OSTF1: variants seen among roughly 807,000 people sequenced by gnomAD.
OSTF1 encodes the protein osteoclast-stimulating factor 1.
Under a neutral mutation model 37.2 loss-of-function variants are expected in OSTF1, and 27 were observed. That is an observed-to-expected ratio of 0.73 (90% CI 0.54 to 1.00). OSTF1 has a LOEUF of 1.00. Ranked by LOEUF, OSTF1 falls within the 50% of genes least tolerant of loss-of-function variation. The pLI, the probability that OSTF1 is intolerant of heterozygous loss-of-function variation, is 0.00. For synonymous variants in OSTF1, 82 were observed against 89.2 expected (o/e 0.92, Z 0.46); for missense variants, 232 against 253.8 (o/e 0.91, Z 0.58).
At chr9:75,119,723 T>C (rs1825548200) in intron 2 of OSTF1, among the ~76,000 whole-genome samples, 2 of 152,144 alleles carry the variant, frequency 1.3e-5, no homozygotes, top group African/African-American at 2.4e-5. Flanking sequence ...TCCCAGCACT[T>C]TGGGAGGCTG....
intron 8 of OSTF1, among the ~76,000 whole-genome samples, chr9:75,138,595 A>G (rs1414506247): frequency 6.6e-6 from 1 of 152,234 alleles, no homozygotes; most frequent in African/African-American, 2.4e-5. Context: ...TGAAATGATA[A>G]TATTTCAGAT....
Position 75,140,827 on chromosome 9 carries a change from T to A in OSTF1, c.488-7T>A. On this transcript the variant is annotated splice_region_variant and splice_polypyrimidine_tract_variant and intron_variant, in intron 8 of 9. Transcript: ENST00000346234. Reference sequence around the variant, plus strand: ...GACACCTAATTGACTTTTCTTGTGTTGGGAAGGTGCTAGAACAGACTTAAG... The same window carrying A: ...GACACCTAATTGACTTTTCTTGTGTAGGGAAGGTGCTAGAACAGACTTAAG... 6.2e-7 allele frequency: 1 copy of A among 1,607,820 alleles called. No homozygotes were observed. Among genetic ancestry groups the A allele is most frequent in the Non-Finnish European group, 8.5e-7 (1 of 1,174,706 alleles).
intron 3 of OSTF1, among the ~76,000 whole-genome samples, chr9:75,128,552 C>CATAT (rs58960713): frequency 0.048 from 138 of 2,878 alleles, 52 homozygotes; most frequent in Non-Finnish European, 0.085. Context: ...ATATTTTGTC[C>CATAT]ATATATATAT....
intron 7 of OSTF1, among the ~76,000 whole-genome samples, chr9:75,136,370 C>T (rs1825843338): frequency 6.6e-6 from 1 of 152,048 alleles, no homozygotes; most frequent in South Asian, 2.1e-4. Context: ...TTTCCACGAA[C>T]ACTTGGTGTC....
At chr9:75,119,534 C>G (rs1403588240) in intron 2 of OSTF1, among the ~76,000 whole-genome samples, 1 of 152,210 alleles carries the variant, frequency 6.6e-6, no homozygotes. Flanking sequence ...ATTCCAGGAG[C>G]TAGAAGACTG....
chr9:75,112,673 A>G (rs1452623868), intron 1 of OSTF1, among the ~76,000 whole-genome samples: 1 of 152,232 alleles, frequency 6.6e-6, no homozygotes, highest in African/African-American at 2.4e-5. Flanking sequence ...GAAAGATACA[A>G]TTACAAAAAT....
chr9:75,105,231 C>G (rs372602232), intron 1 of OSTF1, among the ~76,000 whole-genome samples: 52 of 152,296 alleles, frequency 3.4e-4, no homozygotes, highest in African/African-American at 1.3e-3. Context: ...GATCTTCATG[C>G]TGTGGCCCAG....
intron 1 of OSTF1, among the ~76,000 whole-genome samples, chr9:75,110,850 A>T (rs957493079): frequency 6.6e-6 from 1 of 151,888 alleles, no homozygotes; most frequent in Non-Finnish European, 1.5e-5. Flanking sequence ...AGCTGGGACT[A>T]TGGGTGTGTA....
At chr9:75,143,085 A>T (rs796334055) in intron 9 of OSTF1, among the ~76,000 whole-genome samples, 2 of 152,034 alleles carry the variant, frequency 1.3e-5, no homozygotes, top group Non-Finnish European at 2.9e-5. Context: ...GATTACAGGC[A>T]TGAGCCACGA....
chr9:75,147,077 T>C lies in OSTF1; in HGVS notation c.*336T>C, dbSNP rs1826039750. Reference sequence around the variant, plus strand: ...TTTTAGTTAAAATGCTTTACCTCAATGGTTGAGATATTTTGAATGGATTTT... The same window carrying C: ...TTTTAGTTAAAATGCTTTACCTCAACGGTTGAGATATTTTGAATGGATTTT... On this transcript the variant is annotated 3_prime_UTR_variant, in exon 10 of 10. Transcript: ENST00000346234. 6.7e-6 allele frequency: 1 copy of C among 150,110 alleles called. No individual in the cohort carries two copies. Among genetic ancestry groups the C allele is most frequent in the Non-Finnish European group, 1.4e-5 (1 of 72,716 alleles). The allele number at this position is 150,110 out of a possible 1,614,324, so 9.3% of individuals were successfully genotyped here.
chr9:75,113,546 T>G (rs922775457), intron 1 of OSTF1, among the ~76,000 whole-genome samples: 2 of 152,064 alleles, frequency 1.3e-5, no homozygotes, highest in African/African-American at 4.8e-5. Flanking sequence ...CCTTCTGGGT[T>G]CAAGCCATCC....
At chr9:75,095,930 C>T (rs1398164094) in intron 1 of OSTF1, among the ~76,000 whole-genome samples, 15 of 150,766 alleles carry the variant, frequency 9.9e-5, no homozygotes, top group Non-Finnish European at 1.3e-4. Context: ...CTTGCTCTGT[C>T]GCCCAGGCTG....
At chr9:75,102,569 G>A (rs1300568197) in intron 1 of OSTF1, among the ~76,000 whole-genome samples, 2 of 152,106 alleles carry the variant, frequency 1.3e-5, no homozygotes, top group African/African-American at 2.4e-5. Context: ...GAAAAAGTTT[G>A]AAAACCTCTA....
chr9:75,143,614 T>G (rs1185252065), intron 9 of OSTF1, among the ~76,000 whole-genome samples: 1 of 152,210 alleles, frequency 6.6e-6, no homozygotes, highest in Non-Finnish European at 1.5e-5. Context: ...GAGTCATCCA[T>G]ATGCCTGTGT....
intron 9 of OSTF1, among the ~76,000 whole-genome samples, 193 bp from the exon 10 acceptor site, chr9:75,146,490 A>G (rs1047253633): frequency 2.0e-5 from 3 of 152,230 alleles, no homozygotes; most frequent in African/African-American, 4.8e-5. Flanking sequence ...GGAACGCATC[A>G]TCAGCCTCTG....
At chr9:75,139,050 C>CTTTTCT (rs1554774456) in intron 8 of OSTF1, among the ~76,000 whole-genome samples, 3 of 136,112 alleles carry the variant, frequency 2.2e-5, no homozygotes, top group African/African-American at 1.0e-4. Context: ...TTCTTTCTTT[C>CTTTTCT]TTTCTTTTTT....
chr9:75,134,708 A>G (rs1297653349), intron 7 of OSTF1, among the ~76,000 whole-genome samples: 1 of 152,124 alleles, frequency 6.6e-6, no homozygotes, highest in Non-Finnish European at 1.5e-5. Context: ...GTGAAGGGTT[A>G]AGCTTGTCAG....
intron 1 of OSTF1, among the ~76,000 whole-genome samples, chr9:75,108,609 G>A (rs933399493): frequency 2.0e-5 from 3 of 152,148 alleles, no homozygotes; most frequent in African/African-American, 7.2e-5. Context: ...TTGAGAGAGT[G>A]TGATTGCTAG....
Position 75,118,385 on chromosome 9 carries a change from G to A in OSTF1, c.81+835G>A, listed in dbSNP as rs1340754281. Among the ~76,000 whole-genome samples, 6 of 152,236 alleles carry A rather than the reference G, an allele frequency of 3.9e-5. No homozygotes were observed. In the South Asian group the frequency reaches 1.0e-3, roughly 26 times the overall value. On this transcript the variant is annotated intron_variant, in intron 2 of 9. Transcript: ENST00000346234. ...AGTTGCAAACATGGGAGAGGGTAGT[G>A]GGAGACTACTTCCGAGAGTTGGGGT... is the stretch of plus-strand genomic sequence containing the variant.
Sources: allele counts gnomAD v4.1 joint callset (sites outside exome capture counted in the v4.1 genomes callset), GRCh38; gene constraint gnomAD v4.1.1; transcripts MANE v1.5; gene names NCBI Gene and HGNC (gene_info 2026-07-23, HGNC 2026-07-21).